The following CAMKK1 variants were observed in gnomAD, a reference collection of about 807,000 sequenced individuals.
CAMKK1 encodes calcium/calmodulin dependent protein kinase kinase 1, also known as calcium/calmodulin-dependent protein kinase kinase 1.
In CAMKK1, 20 loss-of-function variants were observed where a neutral mutation model predicts 63.5. The ratio of observed to expected loss-of-function variants is 0.32; its 90% CI spans 0.22 to 0.46. The LOEUF is 0.46. Among genes scored for constraint, CAMKK1 ranks in the 20% least tolerant of loss-of-function variants. CAMKK1 has a pLI of 1.00. For missense variants in CAMKK1, 588 were observed against 658.1 expected (o/e 0.89, Z 1.17); for synonymous variants, 253 against 269.0 (o/e 0.94, Z 0.58).
At chr17:3,874,218 C>G (rs536878556) in intron 10 of CAMKK1, among the ~76,000 whole-genome samples, 30 of 152,196 alleles carry the variant, frequency 2.0e-4, no homozygotes, top group African/African-American at 6.7e-4. Context: ...AAGACAACGG[C>G]AGGCCAAGGC....
Position 3,883,551 on chromosome 17 carries a change from A to C in CAMKK1, c.463-71T>G. On this transcript the variant is annotated intron_variant, in intron 4 of 15. Coordinates refer to ENST00000348335, the MANE Select transcript of CAMKK1 (RefSeq NM_032294.3). This position sits in a 1 kb window ranked among gnomAD's most constrained non-coding sequence, Gnocchi z 4.7. ...GGCTAGAACAGGCTGGTACATGTGG[A>C]CTGAGGTCCGGAGAGGCACACTGGA... 8.7e-6 allele frequency: 11 copies of C among 1,270,806 alleles called. No individual in the cohort carries two copies. Among genetic ancestry groups the C allele is most frequent in the Non-Finnish European group, 1.3e-5 (11 of 867,146 alleles). 78.7% of individuals were successfully genotyped at this position (1,270,806 alleles called of 1,614,324 possible).
intron 15 of CAMKK1, among the ~76,000 whole-genome samples, chr17:3,864,213 G>T (rs2100138971): frequency 1.3e-5 from 2 of 151,658 alleles, no homozygotes; most frequent in Admixed American, 1.3e-4. Flanking sequence ...CTCCCAAAGT[G>T]CTGGGATTAT....
chr17:3,871,347 GTTTTTTTTTTTTT>G (rs869219931), intron 12 of CAMKK1, among the ~76,000 whole-genome samples: 7 of 104,360 alleles, frequency 6.7e-5, no homozygotes, highest in Admixed American at 3.4e-4. Context: ...TTTTTTTTTT[GTTTTTTTTTTTTT>G]TTTTTTTTTT....
At position 3,872,554 on chromosome 17, in the gene CAMKK1, T is replaced by C. The variant is rs7214723; in HGVS notation, c.1124A>G (p.Glu375Gly). Residue 375 changes from glutamate (E) to glycine (G), a missense_variant and splice_region_variant, in exon 12 of 16, where the codon GAG becomes GGG. By Grantham distance (98) the Glu-to-Gly change is moderately conservative. Transcript: ENST00000348335. ...TTGTTCCCCTGGGTGGACAACTCAC[T>C]CCTCAGGAAACACCACGGGCTCATT... The part of the protein sequence containing the change: ...IKNEPVVFPE[E>G]PEISEELKDL... 0.45 allele frequency: 719,261 copies of C among 1,610,876 alleles called. 166,675 individuals are homozygous for C. Among genetic ancestry groups the C allele is most frequent in the South Asian group, 0.6 (54,974 of 90,976 alleles).
chr17:3,892,213 CCTGACAG>C lies in CAMKK1; in HGVS notation c.-44+719_-44+725del, dbSNP rs1227129339. ...GCCAAGACTTGAGCACACCCCCTCCCCTGACAGGCACACGCCCGTGTCCGCGTGACCC... is the reference window on the plus strand; with the variant it reads ...GCCAAGACTTGAGCACACCCCCTCCCGCACACGCCCGTGTCCGCGTGACCC... On this transcript the variant is annotated intron_variant, in intron 1 of 15. Coordinates refer to ENST00000348335, the MANE Select transcript of CAMKK1 (RefSeq NM_032294.3). The surrounding 1 kb of genome is among the most constrained non-coding windows in gnomAD (Gnocchi z 7.5). Among the ~76,000 whole-genome samples the C allele has an allele frequency of 2.0e-5, 3 of 152,124 alleles. No homozygotes were observed. Among genetic ancestry groups the C allele is most frequent in the African/African-American group, 7.2e-5 (3 of 41,424 alleles).
Position 3,870,647 on chromosome 17 carries a change from G to T in CAMKK1, c.1125-759C>A, listed in dbSNP as rs548810643. Among the ~76,000 whole-genome samples, 16 of 152,178 alleles carry T rather than the reference G, an allele frequency of 1.1e-4. No individual in the cohort carries two copies. The South Asian group carries it at 3.1e-3, about 30-fold the overall frequency. On this transcript the variant is annotated intron_variant, in intron 12 of 15. Coordinates refer to ENST00000348335, the MANE Select transcript of CAMKK1 (RefSeq NM_032294.3). The stretch of plus-strand genomic sequence containing the variant: ...CCCAAAGTGCTGGGATTACAGGCGT[G>T]AGCCACCACGCCCGGCCAAACCCCA...
At chr17:3,888,659 G>A (rs1180740318) in intron 1 of CAMKK1, among the ~76,000 whole-genome samples, 2 of 152,234 alleles carry the variant, frequency 1.3e-5, no homozygotes, top group East Asian at 1.9e-4. Context: ...CTCGGGACAC[G>A]CTGAGGCCCA....
Position 3,862,129 on chromosome 17 carries a change from G to A in CAMKK1, c.*82C>T. ...TGCAGTCCCCAGCCCCCTGCCTGCG[G>A]GGGCGGCTGTTGCATGAGGGGTGGG... On this transcript the variant is annotated 3_prime_UTR_variant, in exon 16 of 16. Coordinates refer to ENST00000348335, the MANE Select transcript of CAMKK1 (RefSeq NM_032294.3). The surrounding 1 kb of genome is among the most constrained non-coding windows in gnomAD (Gnocchi z 4.1). 8.5e-7 allele frequency: 1 copy of A among 1,176,324 alleles called. No individual in the cohort carries two copies. The highest frequency in any genetic ancestry group is 1.2e-6 in the Non-Finnish European group (1 of 819,162). The allele number at this position is 1,176,324 out of a possible 1,614,324, so 72.9% of individuals were successfully genotyped here. A position where few individuals can be genotyped will look rare whatever the true frequency, so the allele number is the denominator to read the frequency against.
At chr17:3,877,344 T>G (rs1349729938) in intron 9 of CAMKK1, among the ~76,000 whole-genome samples, 7 of 152,098 alleles carry the variant, frequency 4.6e-5, no homozygotes, top group Admixed American at 4.6e-4. Context: ...CCACATATAG[T>G]AGGACGAATC....
intron 15 of CAMKK1, among the ~76,000 whole-genome samples, chr17:3,863,131 T>C (rs2054384363): frequency 1.3e-5 from 2 of 152,210 alleles, no homozygotes; most frequent in Non-Finnish European, 2.9e-5. Context: ...AGTAAATGGG[T>C]TTTGATATCT....
chr17:3,868,633 G>A (rs574580610), intron 14 of CAMKK1, among the ~76,000 whole-genome samples: 24 of 152,210 alleles, frequency 1.6e-4, no homozygotes, highest in African/African-American at 5.8e-4. Context: ...GACTGCTGCC[G>A]CTGAGCAAGG....
rs1367005705 is a variant in CAMKK1, at chr17:3,872,633, G to T, written c.1051-6C>A. ...AAATCGTCGATGAATGGGCACTGTG[G>T]GGTGGAGAGGCAGACAAAGGATGTG... On this transcript the variant is annotated splice_polypyrimidine_tract_variant and splice_region_variant and intron_variant, in intron 11 of 15. Coordinates refer to ENST00000348335, the MANE Select transcript of CAMKK1 (RefSeq NM_032294.3). 3 of 1,613,132 alleles carry T rather than the reference G, an allele frequency of 1.9e-6. No homozygotes were observed. The South Asian group carries it at 3.3e-5, about 18-fold the overall frequency.
At chr17:3,868,369 C>T (rs1039920465) in intron 14 of CAMKK1, among the ~76,000 whole-genome samples, 9 of 134,096 alleles carry the variant, frequency 6.7e-5, no homozygotes, top group African/African-American at 1.3e-4. Context: ...GATACGCGGG[C>T]GCTGGGGGAG....
chr17:3,879,037 C>T lies in CAMKK1; in HGVS notation c.796+1309G>A, dbSNP rs2055291879. ...CCACGTTGGCCAGGCTGGTCTCAAACCCCTGACCTCAGGTGATCTACCCAC... is the reference window on the plus strand; with the variant it reads ...CCACGTTGGCCAGGCTGGTCTCAAATCCCTGACCTCAGGTGATCTACCCAC... On this transcript the variant is annotated intron_variant, in intron 9 of 15. Transcript: ENST00000348335. The surrounding 1 kb of genome is among the most constrained non-coding windows in gnomAD (Gnocchi z 4.5). 6.6e-6 allele frequency: 1 copy of T among 152,222 alleles called. No individual in the cohort carries two copies. The highest frequency in any genetic ancestry group is 2.4e-5 in the African/African-American group (1 of 41,426). The allele number at this position is 152,222 out of a possible 1,614,324, so 9.4% of individuals were successfully genotyped here. A position where few individuals can be genotyped will look rare whatever the true frequency, so the allele number is the denominator to read the frequency against.
At chr17:3,877,549 C>T (rs1057446076) in intron 9 of CAMKK1, among the ~76,000 whole-genome samples, 35 of 152,172 alleles carry the variant, frequency 2.3e-4, no homozygotes, top group African/African-American at 4.3e-4. Context: ...TCTGGACCAA[C>T]GGACCCCAGG....
intron 9 of CAMKK1, among the ~76,000 whole-genome samples, chr17:3,877,910 A>G (rs2055239780): frequency 6.6e-6 from 1 of 152,160 alleles, no homozygotes; most frequent in South Asian, 2.1e-4. Context: ...ATATCTGAAC[A>G]CAGTGCAATA....
intron 12 of CAMKK1, 25 bp from the exon 13 acceptor site, chr17:3,869,913 G>A (rs2054763509): frequency 6.2e-7 from 1 of 1,601,546 alleles, no homozygotes; most frequent in East Asian, 2.2e-5. Context: ...GGAAGGAGAG[G>A]AGGGTGGGAC....
chr17:3,871,492 C>T lies in CAMKK1; in HGVS notation c.1124+1062G>A, dbSNP rs550327321. Among the ~76,000 whole-genome samples, 128 of 149,920 alleles carry T rather than the reference C, an allele frequency of 8.5e-4. 2 individuals are homozygous for T. In the Middle Eastern group the frequency reaches 0.021, roughly 25 times the overall value. Reference sequence around the variant, plus strand: ...GCCTCAGCCTCTCGAGTAGCTGGGACTACAGGCACCCGCCACCACGCCCGG... The same window carrying T: ...GCCTCAGCCTCTCGAGTAGCTGGGATTACAGGCACCCGCCACCACGCCCGG... On this transcript the variant is annotated intron_variant, in intron 12 of 15. Transcript: ENST00000348335.
chr17:3,868,708 A>C (rs1472156785), intron 14 of CAMKK1, among the ~76,000 whole-genome samples: 1 of 151,818 alleles, frequency 6.6e-6, no homozygotes. Context: ...GCTGGAGTGC[A>C]ATGGCGTGAT....
Sources: gnomAD v4.1 joint callset for allele counts (sites outside exome capture counted in the v4.1 genomes callset) on GRCh38, gnomAD v4.1.1 for gene constraint, Gnocchi (gnomAD v3.1) non-coding constraint, MANE v1.5 for transcripts, NCBI Gene and HGNC (gene_info 2026-07-23, HGNC 2026-07-21) for gene names.